The following PPP3CA variants were observed in gnomAD, a reference collection of about 807,000 sequenced individuals.
PPP3CA encodes CAM-PRP catalytic subunit.
In PPP3CA, 14 loss-of-function variants were observed where a neutral mutation model predicts 66.5. The ratio of observed to expected loss-of-function variants is 0.21; its 90% CI spans 0.14 to 0.33. The LOEUF (loss-of-function observed/expected upper bound fraction) is 0.33, where lower values mean the gene tolerates loss of function less well. Among genes scored for constraint, PPP3CA ranks in the 10% least tolerant of loss-of-function variants. The probability of loss-of-function intolerance (pLI) is 1.00; values close to 1 mark genes in which losing one functional copy is unlikely to be tolerated. For missense variants in PPP3CA, 317 were observed against 639.5 expected (o/e 0.50, Z 5.44); for synonymous variants, 232 against 226.2 (o/e 1.03, Z -0.23).
intron 2 of PPP3CA, among the ~76,000 whole-genome samples, chr4:101,170,925 T>C (rs1391157997): frequency 6.6e-6 from 1 of 152,184 alleles, no homozygotes; most frequent in African/African-American, 2.4e-5. Flanking sequence ...CGCATTCTAG[T>C]CTAGTCAAAC....
intron 1 of PPP3CA, among the ~76,000 whole-genome samples, chr4:101,338,817 C>T (rs1190324338): frequency 6.6e-6 from 1 of 152,202 alleles, no homozygotes; most frequent in African/African-American, 2.4e-5. Flanking sequence ...ATTAAATATA[C>T]ATGAACCAAC....
At chr4:101,043,443 T>G (rs1465518898) in intron 10 of PPP3CA, among the ~76,000 whole-genome samples, 1 of 152,066 alleles carries the variant, frequency 6.6e-6, no homozygotes, top group Non-Finnish European at 1.5e-5. Flanking sequence ...ATTCCTTATA[T>G]TTTCAGATAA....
intron 1 of PPP3CA, among the ~76,000 whole-genome samples, chr4:101,200,107 G>A (rs562599691): frequency 2.0e-5 from 3 of 152,146 alleles, no homozygotes; most frequent in Admixed American, 2.0e-4. Context: ...TATCACTCTG[G>A]GATAGTTCCA....
At chr4:101,104,981 T>C (rs1730595959) in intron 3 of PPP3CA, among the ~76,000 whole-genome samples, 1 of 152,146 alleles carries the variant, frequency 6.6e-6, no homozygotes, top group Non-Finnish European at 1.5e-5. Context: ...AAATGCCCCA[T>C]AATTCCTACA....
At chr4:101,153,024 T>A (rs1309011131) in intron 2 of PPP3CA, among the ~76,000 whole-genome samples, 3 of 152,100 alleles carry the variant, frequency 2.0e-5, no homozygotes, top group Non-Finnish European at 2.9e-5. Flanking sequence ...ATGTTAGGTA[T>A]CTAGTAAATC....
At chr4:101,162,516 C>A (rs1723548684) in intron 2 of PPP3CA, among the ~76,000 whole-genome samples, 1 of 149,140 alleles carries the variant, frequency 6.7e-6, no homozygotes, top group Admixed American at 6.8e-5. Context: ...GGCGACAGAG[C>A]AAGACTCCAT....
chr4:101,206,873 C>G (rs1388823376), intron 1 of PPP3CA, among the ~76,000 whole-genome samples: 1 of 152,120 alleles, frequency 6.6e-6, no homozygotes, highest in Non-Finnish European at 1.5e-5. Context: ...ATAGCCAAAA[C>G]AACAGAACAC....
intron 6 of PPP3CA, among the ~76,000 whole-genome samples, chr4:101,092,892 T>C (rs368351006): frequency 6.6e-6 from 1 of 152,250 alleles, no homozygotes; most frequent in Non-Finnish European, 1.5e-5. Flanking sequence ...GTCTTTGCTA[T>C]TGTAAATAGT....
rs1372024930 is a variant in PPP3CA at position 101,083,197 on chromosome 4, G to A, written c.849C>T (p.Ala283=). 1 of 1,513,898 alleles carries A rather than the reference G, an allele frequency of 6.6e-7. No individual in the cohort carries two copies. Among genetic ancestry groups the A allele is most frequent in the Non-Finnish European group, 8.9e-7 (1 of 1,122,586 alleles). 93.8% of individuals were successfully genotyped at this position (1,513,898 alleles called of 1,614,324 possible). A position where few individuals can be genotyped will look rare whatever the true frequency, so the allele number is the denominator to read the frequency against. ...TCAAAACTGCTCACCCTGCATCTTG[G>A]GCTTCGTGGGCTCGGAGTATAGATA... ...NLLSILRAHE[A]QDAGYRMYRK... The change falls in exon 7 of 14, where the codon GCC becomes GCT. Residue 283 remains alanine, a synonymous_variant. Coordinates refer to ENST00000394854, the MANE Select transcript of PPP3CA (RefSeq NM_000944.5).
At chr4:101,110,643 A>T (rs891681037) in intron 2 of PPP3CA, among the ~76,000 whole-genome samples, 4 of 152,244 alleles carry the variant, frequency 2.6e-5, no homozygotes, top group Admixed American at 6.5e-5. Flanking sequence ...CATTTTTGAA[A>T]AAATATGTTT....
At position 101,181,857 on chromosome 4, in the gene PPP3CA, A is replaced by G. The variant is rs1014711020; in HGVS notation, c.259+14059T>C. Among the ~76,000 whole-genome samples, 8 of 152,252 alleles carry G rather than the reference A, an allele frequency of 5.3e-5. No individual in the cohort carries two copies. In the East Asian group the frequency reaches 1.5e-3, roughly 29 times the overall value. ...TAAACAGCACAATTAGGGATGTTAT[A>G]AATTATAACCATGAGCACTAGGAAG... On this transcript the variant is annotated intron_variant, in intron 2 of 13. Coordinates refer to ENST00000394854, the MANE Select transcript of PPP3CA (RefSeq NM_000944.5).
chr4:101,233,676 T>A (rs747571773), intron 1 of PPP3CA, among the ~76,000 whole-genome samples: 6 of 151,526 alleles, frequency 4.0e-5, no homozygotes, highest in Non-Finnish European at 7.4e-5. Flanking sequence ...TAAAACAACA[T>A]GATTAAATAT....
At chr4:101,100,184 C>A (rs113775735) in intron 3 of PPP3CA, among the ~76,000 whole-genome samples, 3,510 of 152,050 alleles carry the variant, frequency 0.023, 60 homozygotes, top group Middle Eastern at 0.088. Context: ...GATTTATATA[C>A]CAAAGACACT....
At chr4:101,278,144 A>AAAAAAAAAAAAAAAAAAAAAAAAAAAT (rs1163329750) in intron 1 of PPP3CA, among the ~76,000 whole-genome samples, 2 of 145,252 alleles carry the variant, frequency 1.4e-5, no homozygotes, top group East Asian at 2.0e-4. Flanking sequence ...AAAAAATAAA[A>AAAAAAAAAAAAAAAAAAAAAAAAAAAT]AAATTAAAAA....
At chr4:101,319,740 T>C (rs1728983242) in intron 1 of PPP3CA, among the ~76,000 whole-genome samples, 1 of 152,130 alleles carries the variant, frequency 6.6e-6, no homozygotes, top group Non-Finnish European at 1.5e-5. Context: ...ATGGTATCAA[T>C]TGATGAAAAC....
chr4:101,267,595 C>A (rs544189940), intron 1 of PPP3CA, among the ~76,000 whole-genome samples: 1 of 152,058 alleles, frequency 6.6e-6, no homozygotes, highest in East Asian at 1.9e-4. Context: ...AGGGGATAAG[C>A]GGATCTGAGG....
At chr4:101,265,193 T>C (rs975873852) in intron 1 of PPP3CA, among the ~76,000 whole-genome samples, 1 of 152,190 alleles carries the variant, frequency 6.6e-6, no homozygotes, top group South Asian at 2.1e-4. Flanking sequence ...CAGGGCTCAC[T>C]GCAGCCTTGA....
At chr4:101,292,904 T>C (rs924614790) in intron 1 of PPP3CA, among the ~76,000 whole-genome samples, 2 of 152,244 alleles carry the variant, frequency 1.3e-5, no homozygotes, top group African/African-American at 4.8e-5. Context: ...TCTTATGTAC[T>C]ATATCACATA....
intron 1 of PPP3CA, among the ~76,000 whole-genome samples, chr4:101,312,901 C>T (rs1171916765): frequency 6.6e-6 from 1 of 152,160 alleles, no homozygotes; most frequent in Non-Finnish European, 1.5e-5. Flanking sequence ...GACATATCAA[C>T]ATTCTGGCTA....
Sources: allele counts gnomAD v4.1 joint callset (sites outside exome capture counted in the v4.1 genomes callset), GRCh38; gene constraint gnomAD v4.1.1; transcripts MANE v1.5; gene names NCBI Gene and HGNC (gene_info 2026-07-23, HGNC 2026-07-21).